Variants in GIGYF2 observed in about 807,000 individuals in gnomAD.
GIGYF2 encodes GRB10 interacting GYF protein 2.
GIGYF2 carries 25 observed loss-of-function variants against 208.1 expected under a neutral mutation model. The observed-to-expected ratio is 0.12, with a 90% CI of 0.09 to 0.17. GIGYF2 has a LOEUF of 0.17. GIGYF2 is among the 10% of genes least tolerant of loss of function. The pLI, the probability that GIGYF2 is intolerant of heterozygous loss-of-function variation, is 1.00. For synonymous variants in GIGYF2, 534 were observed against 543.8 expected, an observed-to-expected ratio of 0.98 and a Z score of 0.25; for missense variants, 1,302 against 1,579.4, an observed-to-expected ratio of 0.82 and a Z score of 2.98.
intron 3 of GIGYF2, among the ~76,000 whole-genome samples, chr2:232,745,456 G>A (rs1480576371): frequency 6.6e-6 from 1 of 152,120 alleles, no homozygotes; most frequent in African/African-American, 2.4e-5. Context: ...CTTCAAAGAT[G>A]AGACAGTTTG....
chr2:232,714,082 T>G (rs1696558988), intron 2 of GIGYF2, among the ~76,000 whole-genome samples: 1 of 152,048 alleles, frequency 6.6e-6, no homozygotes, highest in East Asian at 1.9e-4. Context: ...CCAGAGTAGC[T>G]GGGACTACAG....
rs374448147 is a variant in GIGYF2 at position 232,806,460 on chromosome 2, T to G, written c.1640-31T>G. 2.0e-6 allele frequency: 3 copies of G among 1,486,952 alleles called. No homozygotes were observed. The South Asian group carries it at 3.4e-5, about 17-fold the overall frequency. 92.1% of individuals were successfully genotyped at this position (1,486,952 alleles called of 1,614,324 possible). On this transcript the variant is annotated intron_variant, in intron 14 of 28. Transcript: ENST00000373563. The surrounding 1 kb of genome is among the most constrained non-coding windows in gnomAD (Gnocchi z 4.0). ...CTCTTTGAGTCTGAAAGGTTTCTTA[T>G]TGTCTTTCTGTTTAATTGGTGCTGT...
chr2:232,740,362 T>C (rs1232798927), intron 3 of GIGYF2, among the ~76,000 whole-genome samples: 1 of 152,120 alleles, frequency 6.6e-6, no homozygotes, highest in East Asian at 1.9e-4. Flanking sequence ...GGAGAATAAT[T>C]ATAGACATTA....
intron 22 of GIGYF2, among the ~76,000 whole-genome samples, chr2:232,838,801 T>G (rs1429653093): frequency 1.3e-5 from 2 of 151,610 alleles, no homozygotes; most frequent in African/African-American, 2.4e-5. Flanking sequence ...CTTTGTTAAC[T>G]TCCCTCTGCA....
At chr2:232,779,129 A>G (rs1699625503) in intron 8 of GIGYF2, among the ~76,000 whole-genome samples, 1 of 152,188 alleles carries the variant, frequency 6.6e-6, no homozygotes, top group South Asian at 2.1e-4. Context: ...ACCTTCACCC[A>G]GAAACTCATG....
intron 2 of GIGYF2, among the ~76,000 whole-genome samples, chr2:232,730,674 G>T (rs1333297963): frequency 2.7e-5 from 4 of 148,044 alleles, no homozygotes; most frequent in African/African-American, 7.5e-5. Flanking sequence ...CGAGGCGGGC[G>T]GATCACGAGG....
chr2:232,711,565 G>T (rs951731990), intron 2 of GIGYF2, among the ~76,000 whole-genome samples: 2 of 150,824 alleles, frequency 1.3e-5, no homozygotes, highest in Non-Finnish European at 3.0e-5. Flanking sequence ...GATAAAATTG[G>T]CATTGTTTTA....
At chr2:232,774,681 T>G (rs1699437264) in intron 8 of GIGYF2, among the ~76,000 whole-genome samples, 1 of 152,232 alleles carries the variant, frequency 6.6e-6, no homozygotes, top group Non-Finnish European at 1.5e-5. Flanking sequence ...GCTTCCTGCC[T>G]ATGTGAAAAT....
intron 1 of GIGYF2, among the ~76,000 whole-genome samples, chr2:232,701,684 A>C (rs1368110009): frequency 1.3e-5 from 2 of 151,910 alleles, no homozygotes; most frequent in African/African-American, 4.8e-5. Context: ...TCAGCTTCCC[A>C]AAGTGTTGAG....
chr2:232,747,839 T>A, intron 4 of GIGYF2, 95 bp downstream of exon 4: 1 of 1,203,612 alleles, frequency 8.3e-7, no homozygotes, highest in Non-Finnish European at 1.2e-6. Context: ...ATTTTACTAA[T>A]GTATTGACCC....
chr2:232,833,275 GGT>G, intron 22 of GIGYF2, 182 bp downstream of exon 22: 1 of 264,752 alleles, frequency 3.8e-6, no homozygotes, highest in South Asian at 1.1e-4. Context: ...GGAGTGCAGT[GGT>G]GCGATCTTGG....
rs1701473160 is a variant in GIGYF2, at chr2:232,833,051, G to A, written c.2724G>A (p.Arg908=). The change falls in exon 22 of 29, where the codon AGG becomes AGA. Residue 908 remains arginine, a synonymous_variant. Coordinates refer to ENST00000373563, the MANE Select transcript of GIGYF2 (RefSeq NM_001103146.3). ...AGCAGCAGCAAGAGGCTCTCCGGAG[G>A]TTGCAGCAGCAGCAGCAGCAACAAC... is the stretch of plus-strand genomic sequence containing the variant. ...QRQQQQEALR[R]LQQQQQQQQL... is the part of the protein sequence containing the mutation. The A allele has an allele frequency of 6.4e-7, 1 of 1,556,224 alleles. No individual in the cohort carries two copies. Among genetic ancestry groups the A allele is most frequent in the African/African-American group, 1.4e-5 (1 of 73,380 alleles).
chr2:232,836,301 T>TAAATAA (rs1701608815), intron 22 of GIGYF2, among the ~76,000 whole-genome samples: 1 of 16,996 alleles, frequency 5.9e-5, no homozygotes, highest in African/African-American at 2.0e-4. Context: ...TATATATATA[T>TAAATAA]ATATATATAT....
chr2:232,729,298 A>G (rs901013044), intron 2 of GIGYF2, among the ~76,000 whole-genome samples: 1 of 152,146 alleles, frequency 6.6e-6, no homozygotes, highest in Non-Finnish European at 1.5e-5. Flanking sequence ...TGTTTTCTAA[A>G]GGTTACAAGT....
intron 8 of GIGYF2, chr2:232,768,465 A>G (rs748955297): frequency 6.2e-7 from 1 of 1,614,192 alleles, no homozygotes; most frequent in South Asian, 1.1e-5. Context: ...TGCTGAAAGG[A>G]ATACAACTAA....
At chr2:232,739,781 A>T (rs1697901794) in intron 3 of GIGYF2, among the ~76,000 whole-genome samples, 1 of 151,934 alleles carries the variant, frequency 6.6e-6, no homozygotes, top group East Asian at 1.9e-4. Flanking sequence ...TCGTATATGC[A>T]AATGTATCTT....
At chr2:232,750,244 G>GTACACAGAATACTTCT (rs1197578429) in intron 5 of GIGYF2, among the ~76,000 whole-genome samples, 1 of 151,882 alleles carries the variant, frequency 6.6e-6, no homozygotes, top group Non-Finnish European at 1.5e-5. Context: ...CTGTACACTT[G>GTACACAGAATACTTCT]GTACAAAAAT....
At chr2:232,828,440 G>T (rs1310010606) in intron 21 of GIGYF2, among the ~76,000 whole-genome samples, 3 of 151,272 alleles carry the variant, frequency 2.0e-5, no homozygotes, top group Admixed American at 6.6e-5. Context: ...TCTGGGTGGG[G>T]TTTTTTGTTT....
chr2:232,789,467 C>G (rs1049186711), intron 9 of GIGYF2, among the ~76,000 whole-genome samples: 4 of 152,108 alleles, frequency 2.6e-5, no homozygotes, highest in African/African-American at 9.7e-5. Flanking sequence ...CTCTAGGTTT[C>G]CACGTAAGCA....
Sources: gnomAD v4.1 joint callset for allele counts (sites outside exome capture counted in the v4.1 genomes callset) on GRCh38, gnomAD v4.1.1 for gene constraint, Gnocchi (gnomAD v3.1) non-coding constraint, MANE v1.5 for transcripts, NCBI Gene and HGNC (gene_info 2026-07-23, HGNC 2026-07-21) for gene names.